SLMAP: variants seen among roughly 807,000 people sequenced by gnomAD.
SLMAP encodes the protein sarcolemmal membrane-associated protein.
A neutral mutation model predicts 128.8 loss-of-function variants in SLMAP; 44 were observed. That is an observed-to-expected ratio of 0.34 (90% CI 0.27 to 0.44). The LOEUF (loss-of-function observed/expected upper bound fraction) is 0.44, where lower values mean the gene tolerates loss of function less well. SLMAP is among the 20% of genes least tolerant of loss of function. SLMAP has a pLI of 1.00. For synonymous variants in SLMAP, 327 were observed against 348.8 expected (o/e 0.94, Z 0.70); for missense variants, 787 against 985.3 (o/e 0.80, Z 2.69).
intron 17 of SLMAP, among the ~76,000 whole-genome samples, chr3:57,902,723 T>G (rs1312854341): frequency 6.6e-6 from 1 of 152,156 alleles, no homozygotes; most frequent in East Asian, 1.9e-4. Context: ...CCTGAGTGAC[T>G]GAAAATTTAG....
chr3:57,791,093 C>T (rs1026827184), intron 2 of SLMAP, among the ~76,000 whole-genome samples: 4 of 152,194 alleles, frequency 2.6e-5, no homozygotes, highest in South Asian at 2.1e-4. Flanking sequence ...CGTTGGCTTA[C>T]GCTTGTAATC....
At chr3:57,813,773 C>T (rs1429617117) in intron 2 of SLMAP, among the ~76,000 whole-genome samples, 1 of 152,180 alleles carries the variant, frequency 6.6e-6, no homozygotes, top group East Asian at 1.9e-4. Flanking sequence ...TGTCAGTCCT[C>T]TCCATGGATA....
intron 2 of SLMAP, among the ~76,000 whole-genome samples, chr3:57,791,030 T>C (rs958910759): frequency 3.3e-5 from 5 of 152,128 alleles, no homozygotes; most frequent in African/African-American, 1.2e-4. Flanking sequence ...TTTATGAGTT[T>C]TAGCCCAGTA....
At chr3:57,869,660 A>ATAT (rs1553900183) in intron 13 of SLMAP, among the ~76,000 whole-genome samples, 19 of 81,324 alleles carry the variant, frequency 2.3e-4, no homozygotes, top group African/African-American at 4.7e-4. Flanking sequence ...ATATATATAT[A>ATAT]ATATATATAA....
chr3:57,766,165 A>ATTTTTTTTTTTTTTTT (rs869169620), intron 2 of SLMAP, among the ~76,000 whole-genome samples: 76 of 85,692 alleles, frequency 8.9e-4, no homozygotes, highest in South Asian at 2.8e-3. Flanking sequence ...CACCCGGCTA[A>ATTTTTTTTTTTTTTTT]TTTTTTTTTT....
chr3:57,811,534 G>T (rs554899665), intron 2 of SLMAP, among the ~76,000 whole-genome samples: 184 of 152,262 alleles, frequency 1.2e-3, no homozygotes, highest in African/African-American at 4.0e-3. Flanking sequence ...TTTAGCTATT[G>T]TGAATAATGC....
chr3:57,776,530 T>C (rs1016326544), intron 2 of SLMAP, among the ~76,000 whole-genome samples: 2 of 147,540 alleles, frequency 1.4e-5, no homozygotes, highest in African/African-American at 5.0e-5. Flanking sequence ...CTCTTTTTTT[T>C]TTTTTTTTTT....
At chr3:57,825,160 C>A (rs1226653339) in intron 2 of SLMAP, among the ~76,000 whole-genome samples, 2 of 150,442 alleles carry the variant, frequency 1.3e-5, no homozygotes, top group Non-Finnish European at 1.5e-5. Flanking sequence ...ATGGGGTTTT[C>A]TATATATAGG....
intron 4 of SLMAP, among the ~76,000 whole-genome samples, chr3:57,843,305 C>CTTTTTTTTTTTTTTTTTTTTTTTTCTT: frequency 1.1e-5 from 1 of 92,140 alleles, no homozygotes; most frequent in Non-Finnish European, 2.0e-5. Flanking sequence ...CTTTCTTTTC[C>CTTTTTTTTTTTTTTTTTTTTTTTTCTT]TTTTTTTTTT....
intron 2 of SLMAP, among the ~76,000 whole-genome samples, chr3:57,830,128 G>A (rs773582285): frequency 2.0e-5 from 3 of 152,212 alleles, no homozygotes; most frequent in South Asian, 2.1e-4. Flanking sequence ...TCTGCCTCCC[G>A]GGTTCAGGTG....
chr3:57,922,420 CTTTTCTTT>C (rs2096934656), intron 22 of SLMAP, among the ~76,000 whole-genome samples: 1 of 142,738 alleles, frequency 7.0e-6, no homozygotes, highest in East Asian at 2.1e-4. Context: ...ACATTAAAGG[CTTTTCTTT>C]TTTTTTTTTT....
chr3:57,782,393 G>A (rs1254589976), intron 2 of SLMAP, among the ~76,000 whole-genome samples: 2 of 152,166 alleles, frequency 1.3e-5, no homozygotes, highest in African/African-American at 4.8e-5. Context: ...AATTAAAAAG[G>A]TGTTTTGTTA....
At chr3:57,804,411 C>A (rs1389751207) in intron 2 of SLMAP, among the ~76,000 whole-genome samples, 1 of 152,172 alleles carries the variant, frequency 6.6e-6, no homozygotes, top group Non-Finnish European at 1.5e-5. Flanking sequence ...TAAAAATTTT[C>A]TATTTGTTTT....
chr3:57,864,903 A>G (rs1220096396), intron 12 of SLMAP, 46 bp downstream of exon 12: 2 of 1,455,828 alleles, frequency 1.4e-6, no homozygotes, highest in East Asian at 5.0e-5. Context: ...TTTTATCCTT[A>G]AACTTTTGAC....
intron 6 of SLMAP, among the ~76,000 whole-genome samples, chr3:57,853,993 A>ATATATATATG (rs2094632198): frequency 9.1e-6 from 1 of 110,268 alleles, no homozygotes; most frequent in African/African-American, 3.5e-5. Context: ...ATATATATAT[A>ATATATATATG]TATATATTTA....
At position 57,912,591 on chromosome 3, in the gene SLMAP, G is replaced by A. The variant is rs1359077850; in HGVS notation, c.1910G>A (p.Arg637Gln). 8.7e-6 allele frequency: 14 copies of A among 1,614,044 alleles called. No individual in the cohort carries two copies. The highest frequency in any genetic ancestry group is 1.7e-5 in the Admixed American group (1 of 60,002). Reference sequence around the variant, plus strand: ...GTGAGAGCTGAGCTTGAGCGGTGGCGGAAAGCAGCGTCTGAATATGAGAAA... The same window carrying A: ...GTGAGAGCTGAGCTTGAGCGGTGGCAGAAAGCAGCGTCTGAATATGAGAAA... ...KKVRAELERWRKAASEYEKEI... is the reference protein window; with the variant it reads ...KKVRAELERWQKAASEYEKEI... The change falls in exon 20 of 25, where the codon CGG (arginine) becomes CAG (glutamine). Residue 637 changes from arginine (R) to glutamine (Q), a missense_variant. By Grantham distance (43) the Arg-to-Gln change is conservative (BLOSUM62 1). Coordinates refer to ENST00000671191, the MANE Select transcript of SLMAP (RefSeq NM_001377540.1).
In SLMAP at chr3:57,841,480, T is replaced by C. The variant is rs190495292; in HGVS notation, c.419+109T>C. ...CTGCTAATACCTGCTTCAGGACTAT[T>C]TAAATAATATTAGAAAATTGATTAG... On this transcript the variant is annotated intron_variant, in intron 4 of 24. Transcript: ENST00000671191. The C allele has an allele frequency of 7.3e-3, 3,438 of 472,892 alleles. 23 individuals carry two copies. Among genetic ancestry groups the C allele is most frequent in the Non-Finnish European group, 0.01 (2,800 of 268,204 alleles). 29.3% of individuals were successfully genotyped at this position (472,892 alleles called of 1,614,324 possible). A position where few individuals can be genotyped will look rare whatever the true frequency, so the allele number is the denominator to read the frequency against.
At chr3:57,887,746 C>T (rs2153645094) in intron 14 of SLMAP, among the ~76,000 whole-genome samples, 1 of 152,246 alleles carries the variant, frequency 6.6e-6, no homozygotes, top group South Asian at 2.1e-4. Flanking sequence ...TGGCTAGCAT[C>T]AGTCCTATGA....
intron 22 of SLMAP, among the ~76,000 whole-genome samples, chr3:57,918,641 A>G (rs1044102321): frequency 6.6e-6 from 1 of 152,198 alleles, no homozygotes; most frequent in African/African-American, 2.4e-5. Context: ...TAGTTTAGTT[A>G]TAGCTATATA....
Sources: allele counts gnomAD v4.1 joint callset (sites outside exome capture counted in the v4.1 genomes callset), GRCh38; gene constraint gnomAD v4.1.1; transcripts MANE v1.5; gene names NCBI Gene and HGNC (gene_info 2026-07-23, HGNC 2026-07-21).